Variants in TSEN2 observed in about 807,000 individuals in gnomAD.
TSEN2 encodes the protein tRNA-splicing endonuclease subunit Sen2.
TSEN2 carries 54 observed loss-of-function variants against 59.2 expected under a neutral mutation model. That is an observed-to-expected ratio of 0.91 (90% confidence interval 0.73 to 1.14). The LOEUF is 1.14. Ranked by LOEUF, TSEN2 falls within the 50% of genes most tolerant of loss-of-function variation. TSEN2 has a pLI of 0.00. For synonymous variants in TSEN2, 195 were observed against 198.2 expected (o/e 0.98, Z 0.14); for missense variants, 636 against 576.2 (o/e 1.10, Z -1.06).
At chr3:12,502,961 A>G (rs1048356022) in intron 4 of TSEN2, among the ~76,000 whole-genome samples, 6 of 152,042 alleles carry the variant, frequency 3.9e-5, no homozygotes, top group Non-Finnish European at 7.4e-5. Flanking sequence ...AGTCCCAGCT[A>G]CTTGGAGGCT....
At position 12,529,057 on chromosome 3, in the gene TSEN2, T is replaced by C. The variant is rs2057293288; in HGVS notation, c.1136+133T>C. On this transcript the variant is annotated intron_variant, in intron 9 of 11. Transcript: ENST00000284995. ...GCCTGATACGAATAGATGCTATATGTTCATGCCTCCTTACACACTAATGTC... is the reference window on the plus strand; with the variant it reads ...GCCTGATACGAATAGATGCTATATGCTCATGCCTCCTTACACACTAATGTC... 18 of 859,304 alleles carry C rather than the reference T, an allele frequency of 2.1e-5. No individual in the cohort carries two copies. The South Asian group carries it at 2.4e-4, about 12-fold the overall frequency. The allele number at this position is 859,304 out of a possible 1,614,324, so 53.2% of individuals were successfully genotyped here. A position where few individuals can be genotyped will look rare whatever the true frequency, so the allele number is the denominator to read the frequency against.
intron 1 of TSEN2, among the ~76,000 whole-genome samples, chr3:12,485,834 C>T (rs1404979906): frequency 6.6e-6 from 1 of 152,164 alleles, no homozygotes; most frequent in Non-Finnish European, 1.5e-5. Context: ...CCTCAGGCAC[C>T]GCTCTTCTTT....
intron 6 of TSEN2, 108 bp from the exon 7 acceptor site, chr3:12,516,503 G>T: frequency 1.2e-6 from 1 of 855,292 alleles, no homozygotes; most frequent in South Asian, 1.4e-5. Flanking sequence ...TTTTGATGAT[G>T]ACTTAAGAGC....
intron 7 of TSEN2, among the ~76,000 whole-genome samples, chr3:12,518,707 T>C (rs2056364757): frequency 6.6e-6 from 1 of 150,554 alleles, no homozygotes; most frequent in Non-Finnish European, 1.5e-5. Context: ...ATTCTCTCTT[T>C]TTTTTTTTTT....
intron 3 of TSEN2, among the ~76,000 whole-genome samples, chr3:12,494,340 A>C (rs562185729): frequency 6.6e-6 from 1 of 152,374 alleles, no homozygotes; most frequent in South Asian, 2.1e-4. Flanking sequence ...AGGAAAGTAC[A>C]TGCTGTGCTG....
At chr3:12,488,129 T>C (rs534525249) in intron 1 of TSEN2, among the ~76,000 whole-genome samples, 172 of 152,356 alleles carry the variant, frequency 1.1e-3, no homozygotes, top group African/African-American at 4.0e-3. Flanking sequence ...CTTTTCTTAA[T>C]GGTCATGACA....
At chr3:12,496,606 GT>G (rs2053773330) in intron 4 of TSEN2, 52 bp downstream of exon 4, 2 of 1,593,480 alleles carry the variant, frequency 1.3e-6, no homozygotes, top group Admixed American at 1.7e-5. Context: ...TAAGTCAGAT[GT>G]TTTTAGGTAG....
chr3:12,517,812 G>A (rs973889851), intron 7 of TSEN2, among the ~76,000 whole-genome samples: 3 of 152,080 alleles, frequency 2.0e-5, no homozygotes, highest in African/African-American at 7.2e-5. Context: ...TGACATAAAA[G>A]CCTCAACATC....
intron 4 of TSEN2, among the ~76,000 whole-genome samples, chr3:12,501,983 T>C (rs2054320480): frequency 1.3e-5 from 2 of 152,196 alleles, no homozygotes; most frequent in East Asian, 3.8e-4. Flanking sequence ...GTAACTTGGG[T>C]GTTAGCTTCA....
At chr3:12,512,786 G>C (rs1459012964) in intron 6 of TSEN2, among the ~76,000 whole-genome samples, 2 of 152,222 alleles carry the variant, frequency 1.3e-5, no homozygotes, top group Non-Finnish European at 2.9e-5. Flanking sequence ...TGTTCAGTCT[G>C]TGCGAGTATT....
chr3:12,495,620 A>G (rs2053671408), intron 3 of TSEN2, among the ~76,000 whole-genome samples: 2 of 152,204 alleles, frequency 1.3e-5, no homozygotes, highest in Non-Finnish European at 2.9e-5. Flanking sequence ...GCTGCTTAGT[A>G]AACCATCCCG....
intron 6 of TSEN2, among the ~76,000 whole-genome samples, chr3:12,506,321 G>A (rs1298509509): frequency 6.6e-6 from 1 of 151,932 alleles, no homozygotes; most frequent in African/African-American, 2.4e-5. Context: ...TGGGCCTGGT[G>A]CCATGGCTCA....
chr3:12,495,034 G>A (rs2053603773), intron 3 of TSEN2, among the ~76,000 whole-genome samples: 1 of 139,872 alleles, frequency 7.1e-6, no homozygotes, highest in Admixed American at 7.8e-5. Flanking sequence ...GCTGAGGCAG[G>A]AGAATCGCTT....
chr3:12,491,261 G>T (rs2053186184), intron 2 of TSEN2, among the ~76,000 whole-genome samples: 1 of 152,074 alleles, frequency 6.6e-6, no homozygotes, highest in African/African-American at 2.4e-5. Context: ...CAAAGTGCCG[G>T]GATTACAGGT....
chr3:12,528,954 G>C (rs199681223), intron 9 of TSEN2, 30 bp downstream of exon 9: 1 of 1,612,970 alleles, frequency 6.2e-7, no homozygotes, highest in South Asian at 1.1e-5. Context: ...TAAACTAATG[G>C]GTTAAAGGGA....
At chr3:12,530,580 C>G in intron 10 of TSEN2, 1 of 985,546 alleles carries the variant, frequency 1.0e-6, no homozygotes, top group Non-Finnish European at 1.2e-6. Context: ...CCTCTAATTT[C>G]ATCCTCATGC....
upstream of TSEN2, chr3:12,484,314 C>G (rs1239591353): frequency 1.3e-5 from 2 of 152,564 alleles, no homozygotes; most frequent in Middle Eastern, 3.4e-3. Context: ...GCGCACGCAG[C>G]CTCCGCCTCA....
At chr3:12,481,745 G>A (rs553157709), upstream of TSEN2, among the ~76,000 whole-genome samples, 1 of 152,262 alleles carries the variant, frequency 6.6e-6, no homozygotes, top group East Asian at 1.9e-4. Context: ...ACCAGTTGAT[G>A]AAAATGCTGT....
At chr3:12,505,783 C>CAAAAAAAAA (rs34334319) in intron 6 of TSEN2, among the ~76,000 whole-genome samples, 1 of 84,682 alleles carries the variant, frequency 1.2e-5, no homozygotes, top group African/African-American at 4.4e-5. Context: ...AACTCTGTCT[C>CAAAAAAAAA]AAAAAAAAAA....
Sources: gnomAD v4.1 joint callset for allele counts (sites outside exome capture counted in the v4.1 genomes callset) on GRCh38, gnomAD v4.1.1 for gene constraint, MANE v1.5 for transcripts, NCBI Gene and HGNC (gene_info 2026-07-23, HGNC 2026-07-21) for gene names.